The following IFT43 variants were observed in gnomAD, a reference collection of about 807,000 sequenced individuals.
IFT43 encodes the protein intraflagellar transport protein 43 homolog.
Under a neutral mutation model 32.3 loss-of-function variants are expected in IFT43, and 33 were observed. That is an observed-to-expected ratio of 1.02 (90% CI 0.77 to 1.37). The LOEUF (loss-of-function observed/expected upper bound fraction) is 1.37, where lower values mean the gene tolerates loss of function less well. Among genes scored for constraint, IFT43 ranks in the 40% most tolerant of loss-of-function variants. The pLI is 0.00. For missense variants in IFT43, 274 were observed against 265.9 expected, an observed-to-expected ratio of 1.03 and a Z score of -0.21; for synonymous variants, 93 against 98.2, an observed-to-expected ratio of 0.95 and a Z score of 0.31.
chr14:76,055,782 G>A (rs913147824), intron 3 of IFT43, among the ~76,000 whole-genome samples: 2 of 152,164 alleles, frequency 1.3e-5, no homozygotes, highest in Non-Finnish European at 2.9e-5. Flanking sequence ...AATATACTCT[G>A]CCAGTTTTCC....
chr14:75,985,972 G>A lies in IFT43; in HGVS notation c.54+132G>A. 6 of 1,531,692 alleles carry A rather than the reference G, an allele frequency of 3.9e-6. No homozygotes were observed. The South Asian group carries it at 7.2e-5, about 18-fold the overall frequency. 94.9% of individuals were successfully genotyped at this position (1,531,692 alleles called of 1,614,324 possible). On this transcript the variant is annotated intron_variant, in intron 1 of 8. Transcript: ENST00000314067. The stretch of plus-strand genomic sequence containing the variant: ...CCGCGCCGGGTGAGGCCCAGAAGGA[G>A]GCAGCCTCACCGCCCCGCCCCCAGG...
At chr14:76,040,281 C>T (rs745335021) in intron 3 of IFT43, among the ~76,000 whole-genome samples, 1 of 152,144 alleles carries the variant, frequency 6.6e-6, no homozygotes, top group Non-Finnish European at 1.5e-5. Flanking sequence ...CTACAGAGTA[C>T]TCCAAAATTT....
intron 2 of IFT43, among the ~76,000 whole-genome samples, chr14:75,993,748 T>A (rs2035687497): frequency 6.6e-6 from 1 of 152,186 alleles, no homozygotes. Context: ...AGCCTGTGAC[T>A]TTTGTTCTCA....
intron 3 of IFT43, among the ~76,000 whole-genome samples, chr14:76,056,497 T>G (rs182173159): frequency 9.3e-4 from 141 of 152,354 alleles, no homozygotes; most frequent in Non-Finnish European, 1.7e-3. Flanking sequence ...TTATCATTAT[T>G]GTTTCCTTCA....
chr14:76,019,183 T>C (rs1027441850), intron 2 of IFT43, among the ~76,000 whole-genome samples: 7 of 152,198 alleles, frequency 4.6e-5, no homozygotes, highest in Non-Finnish European at 8.8e-5. Flanking sequence ...GTTCTACTAG[T>C]GAGTTTTATA....
chr14:76,059,303 C>T (rs2037086031), intron 4 of IFT43, 24 bp from the exon 5 acceptor site: 1 of 1,613,850 alleles, frequency 6.2e-7, no homozygotes, highest in Non-Finnish European at 8.5e-7. Flanking sequence ...TTTTTGCTGT[C>T]CTTTTCTTCT....
chr14:76,072,290 T>C (rs1393375035), intron 5 of IFT43, among the ~76,000 whole-genome samples: 1 of 152,128 alleles, frequency 6.6e-6, no homozygotes, highest in Non-Finnish European at 1.5e-5. Flanking sequence ...CAGATTGCAG[T>C]GTGAGTATTG....
chr14:76,008,156 A>G (rs1464353157), intron 2 of IFT43, among the ~76,000 whole-genome samples: 2 of 152,172 alleles, frequency 1.3e-5, no homozygotes, highest in East Asian at 1.9e-4. Flanking sequence ...TCATTGAGCT[A>G]CAGAACTGTG....
At chr14:76,008,765 A>G (rs1039417070) in intron 2 of IFT43, among the ~76,000 whole-genome samples, 19 of 152,268 alleles carry the variant, frequency 1.2e-4, no homozygotes, top group Admixed American at 2.0e-4. Context: ...AGACACAGCT[A>G]TTTTCCAAGT....
intron 3 of IFT43, among the ~76,000 whole-genome samples, chr14:76,052,977 G>A (rs558508227): frequency 1.2e-3 from 181 of 152,224 alleles, no homozygotes; most frequent in Non-Finnish European, 2.0e-3. Context: ...CATGGTGTAA[G>A]GGTTGGGAAC....
At chr14:76,067,810 T>C (rs7146015) in intron 5 of IFT43, among the ~76,000 whole-genome samples, 53,083 of 152,000 alleles carry the variant, frequency 0.35, 9,375 homozygotes, top group African/African-American at 0.4. Flanking sequence ...GATGGTGGGG[T>C]CTGTGGTGAA....
At chr14:76,003,282 C>T (rs1455909926) in intron 2 of IFT43, among the ~76,000 whole-genome samples, 1 of 151,384 alleles carries the variant, frequency 6.6e-6, no homozygotes, top group African/African-American at 2.4e-5. Flanking sequence ...TTAGTGATTA[C>T]TCTAGGATTT....
intron 3 of IFT43, 34 bp downstream of exon 3, chr14:76,022,428 G>A: frequency 7.8e-7 from 1 of 1,277,136 alleles, no homozygotes; most frequent in Non-Finnish European, 1.1e-6. Flanking sequence ...GTATGGGTGG[G>A]GGTGCACACG....
chr14:75,988,467 C>T (rs2035572541), intron 1 of IFT43, among the ~76,000 whole-genome samples: 1 of 152,206 alleles, frequency 6.6e-6, no homozygotes. Context: ...TCCCGTTCTC[C>T]ACCACATCAT....
intron 5 of IFT43, among the ~76,000 whole-genome samples, chr14:76,069,176 G>A (rs778147775): frequency 3.3e-5 from 5 of 152,126 alleles, no homozygotes; most frequent in African/African-American, 7.2e-5. Flanking sequence ...GAGCAGGCAC[G>A]TCACGTGGCG....
intron 2 of IFT43, among the ~76,000 whole-genome samples, chr14:75,999,227 T>A (rs1314434272): frequency 2.1e-5 from 2 of 96,138 alleles, no homozygotes; most frequent in African/African-American, 1.1e-4. Context: ...TAAATTCATT[T>A]TATATATATA....
At chr14:76,015,825 C>T (rs13313357) in intron 2 of IFT43, among the ~76,000 whole-genome samples, 16,971 of 152,126 alleles carry the variant, frequency 0.11, 1,046 homozygotes, top group African/African-American at 0.17. Context: ...ATTTGATATC[C>T]GTTAGTAAAG....
chr14:76,066,552 G>A (rs1234839284), intron 5 of IFT43, among the ~76,000 whole-genome samples: 1 of 152,228 alleles, frequency 6.6e-6, no homozygotes, highest in Non-Finnish European at 1.5e-5. Flanking sequence ...GAATTACTTG[G>A]TTGGCTAGTG....
intron 2 of IFT43, among the ~76,000 whole-genome samples, chr14:76,021,039 G>T (rs1035372155): frequency 2.0e-5 from 3 of 152,102 alleles, no homozygotes; most frequent in Non-Finnish European, 4.4e-5. Flanking sequence ...GGCAGACAGG[G>T]CAGAACGGTC....
Sources: gnomAD v4.1 joint callset for allele counts (sites outside exome capture counted in the v4.1 genomes callset) on GRCh38, gnomAD v4.1.1 for gene constraint, MANE v1.5 for transcripts, NCBI Gene and HGNC (gene_info 2026-07-23, HGNC 2026-07-21) for gene names.